ERCC6: variants seen among roughly 807,000 people sequenced by gnomAD.
ERCC6 encodes ERCC excision repair 6, chromatin remodeling factor.
A neutral mutation model predicts 158.7 loss-of-function variants in ERCC6; 116 were observed. That is an observed-to-expected ratio of 0.73 (90% confidence interval 0.63 to 0.85). The LOEUF is 0.85. Among genes scored for constraint, ERCC6 ranks in the 40% least tolerant of loss-of-function variants. The pLI is 0.00. For missense variants in ERCC6, 1,698 were observed against 1,799.4 expected (o/e 0.94, Z 1.02); for synonymous variants, 678 against 659.3 (o/e 1.03, Z -0.43).
At chr10:49,450,481 G>A (rs887382487), downstream of ERCC6, among the ~76,000 whole-genome samples, 2 of 152,152 alleles carry the variant, frequency 1.3e-5, no homozygotes, top group African/African-American at 4.8e-5. Flanking sequence ...TGGCTATTCT[G>A]GGTCCCTTGA....
chr10:49,539,316 G>A (rs1039306150), upstream of ERCC6: 1 of 152,334 alleles, frequency 6.6e-6, no homozygotes, highest in East Asian at 1.9e-4. Flanking sequence ...AGTTATGAAA[G>A]TTAAGACATA....
At chr10:49,512,350 G>A (rs558329249) in intron 5 of ERCC6, among the ~76,000 whole-genome samples, 1 of 152,260 alleles carries the variant, frequency 6.6e-6, no homozygotes, top group Non-Finnish European at 1.5e-5. Context: ...AAACCATACT[G>A]CAATCCTGAC....
chr10:49,516,141 T>C lies in ERCC6; in HGVS notation c.1397+7892A>G, dbSNP rs200925890. Reference sequence around the variant, plus strand: ...AAGGACAAGTGACGCACCGACACCATATTCCTCATGTTTAGTATTTGGGTT... The same window carrying C: ...AAGGACAAGTGACGCACCGACACCACATTCCTCATGTTTAGTATTTGGGTT... On this transcript the variant is annotated intron_variant, in intron 5 of 20. Transcript: ENST00000355832. The C allele has an allele frequency of 2.0e-4, 330 of 1,614,002 alleles. No homozygotes were observed. Among genetic ancestry groups the C allele is most frequent in the Non-Finnish European group, 2.5e-4 (292 of 1,180,042 alleles).
Position 49,524,378 on chromosome 10 carries a change from G to T in ERCC6, c.1052C>A (p.Ala351Glu), listed in dbSNP as rs754128408. The T allele has an allele frequency of 2.5e-6, 4 of 1,614,078 alleles. No homozygotes were observed. The highest frequency in any genetic ancestry group is 2.2e-5 in the South Asian group (2 of 91,076). ...CATGTCTGACTCCCAAGGTCTCCTTGCCTTTGGCAATCCCACTTTCCCCTG... is the reference window on the plus strand; with the variant it reads ...CATGTCTGACTCCCAAGGTCTCCTTTCCTTTGGCAATCCCACTTTCCCCTG... The part of the protein sequence containing the change: ...QFQGKVGLPK[A>E]RRPWESDMRP... Residue 351 changes from alanine (A) to glutamate (E), a missense_variant, in exon 5 of 21, where the codon GCA (alanine) becomes GAA (glutamate). Ala to Glu is a moderately radical substitution (Grantham distance 107). Transcript: ENST00000355832.
intron 18 of ERCC6, among the ~76,000 whole-genome samples, chr10:49,466,596 T>C (rs1018628039): frequency 6.6e-6 from 1 of 152,224 alleles, no homozygotes; most frequent in African/African-American, 2.4e-5. Context: ...AGCCGTCACC[T>C]GCAAAACTCA....
Position 49,456,448 on chromosome 10 carries a change from A to C in ERCC6, c.*2367T>G, listed in dbSNP as rs1850485205. 1 of 152,200 alleles carries C rather than the reference A, an allele frequency of 6.6e-6. No homozygotes were observed. Among genetic ancestry groups the C allele is most frequent in the Non-Finnish European group, 1.5e-5 (1 of 68,046 alleles). The allele number at this position is 152,200 out of a possible 1,614,324, so 9.4% of individuals were successfully genotyped here. ...GCTGAGCAGCCAGACGTCCAGGTAA[A>C]ACTCAAAAATTTTATTAGTAAAGGA... is the stretch of plus-strand genomic sequence containing the variant. On this transcript the variant is annotated 3_prime_UTR_variant, in exon 21 of 21. Transcript: ENST00000355832.
At chr10:49,460,598 C>T (rs963310615) in intron 19 of ERCC6, 147 bp from the exon 20 acceptor site, 4 of 689,610 alleles carry the variant, frequency 5.8e-6, no homozygotes, top group Non-Finnish European at 5.2e-6. Flanking sequence ...TGCTCTATCC[C>T]CCTCGATTCT....
chr10:49,511,817 C>T (rs1315204415), intron 5 of ERCC6, among the ~76,000 whole-genome samples: 1 of 152,108 alleles, frequency 6.6e-6, no homozygotes. Context: ...TTTAAGATAA[C>T]CACAGAGAAG....
intron 5 of ERCC6, chr10:49,517,251 G>A (rs765477676): frequency 4.2e-5 from 55 of 1,295,522 alleles, no homozygotes; most frequent in Admixed American, 1.5e-4. Flanking sequence ...TCTTTTTACC[G>A]CACAATAGCA....
chr10:49,524,595 C>T lies in ERCC6; in HGVS notation c.835G>A (p.Ala279Thr). ...TTCTTCCTTTCAAAAGACAGTTTTG[C>T]TTGATCTGCCAAATACTTTTCGAAG... ...SGFEKYLADQ[A>T]KLSFERKKQG... Residue 279 changes from alanine to threonine, a missense_variant, in exon 5 of 21, where the codon GCA becomes ACA. Physicochemically the swap from Ala to Thr is moderately conservative, Grantham distance 58 (BLOSUM62 0). Coordinates refer to ENST00000355832, the MANE Select transcript of ERCC6 (RefSeq NM_000124.4). The T allele has an allele frequency of 1.9e-6, 3 of 1,614,210 alleles. No individual in the cohort carries two copies. Among genetic ancestry groups the T allele is most frequent in the Non-Finnish European group, 2.5e-6 (3 of 1,180,044 alleles).
At position 49,470,788 on chromosome 10, in the gene ERCC6, C is replaced by G; in HGVS notation, c.3172G>C (p.Ala1058Pro). 6.2e-7 allele frequency: 1 copy of G among 1,614,160 alleles called. No individual in the cohort carries two copies. The highest frequency in any genetic ancestry group is 1.1e-5 in the South Asian group (1 of 91,084). ...GCATCATTTACAGATATGTTAGAAGCAGGGAACTTCTTGCGTTTTGGAACA... is the reference window on the plus strand; with the variant it reads ...GCATCATTTACAGATATGTTAGAAGGAGGGAACTTCTTGCGTTTTGGAACA... Reference protein sequence around the residue: ...HDVPKRKKFPASNISVNDATS... With the variant: ...HDVPKRKKFPPSNISVNDATS... Residue 1058 changes from alanine to proline, a missense_variant, in exon 18 of 21, where the codon GCT becomes CCT. Transcript: ENST00000355832.
chr10:49,493,123 G>A lies in ERCC6; in HGVS notation c.1815C>T (p.His605=). Residue 605 remains histidine, a synonymous_variant, in exon 8 of 21, where the codon CAC becomes CAT. Coordinates refer to ENST00000355832, the MANE Select transcript of ERCC6 (RefSeq NM_000124.4). The part of the protein sequence containing the change: ...AILHETGSYT[H]KKEKLIRDVA... ...TACTGAAATATTGTGTTACCTTTTT[G>A]TGGGTATAGGAACCGGTTTCATGTA... 6.2e-7 allele frequency: 1 copy of A among 1,614,026 alleles called. No homozygotes were observed. The highest frequency in any genetic ancestry group is 2.2e-5 in the East Asian group (1 of 44,860).
chr10:49,498,022 G>A (rs996740566), intron 7 of ERCC6, among the ~76,000 whole-genome samples: 2 of 152,140 alleles, frequency 1.3e-5, no homozygotes, highest in African/African-American at 2.4e-5. Flanking sequence ...TTATAAGATT[G>A]AGGGGCCTAT....
At chr10:49,516,852 T>C (rs1269733159) in intron 5 of ERCC6, 5 of 1,614,040 alleles carry the variant, frequency 3.1e-6, no homozygotes, top group Non-Finnish European at 4.2e-6. Flanking sequence ...TGGAACTTCA[T>C]CAGGAGAGTC....
intron 10 of ERCC6, among the ~76,000 whole-genome samples, chr10:49,478,862 T>C (rs545750406): frequency 2.0e-5 from 3 of 152,336 alleles, no homozygotes; most frequent in African/African-American, 7.2e-5. Flanking sequence ...TCTCTGTTTA[T>C]GATCTTGTAT....
chr10:49,530,618 T>G, intron 3 of ERCC6, 102 bp downstream of exon 3: 1 of 1,533,496 alleles, frequency 6.5e-7, no homozygotes, highest in Non-Finnish European at 8.8e-7. Flanking sequence ...TATAAGTATT[T>G]GCTTCACATC....
At chr10:49,525,643 T>C (rs764730706) in intron 4 of ERCC6, among the ~76,000 whole-genome samples, 4 of 152,212 alleles carry the variant, frequency 2.6e-5, no homozygotes, top group Non-Finnish European at 5.9e-5. Context: ...AGGCCAATGA[T>C]ACCCAGTTTT....
At chr10:49,538,155 G>C (rs1837646452) in intron 1 of ERCC6, among the ~76,000 whole-genome samples, 1 of 152,172 alleles carries the variant, frequency 6.6e-6, no homozygotes, top group South Asian at 2.1e-4. Context: ...AATCATCTGG[G>C]ACACTAGTAT....
chr10:49,453,891 T>G (rs552246394), downstream of ERCC6, among the ~76,000 whole-genome samples: 1 of 152,328 alleles, frequency 6.6e-6, no homozygotes, highest in East Asian at 1.9e-4. Flanking sequence ...CTCACTACTT[T>G]CAAGGTTTTC....
Sources: allele counts gnomAD v4.1 joint callset (sites outside exome capture counted in the v4.1 genomes callset), GRCh38; gene constraint gnomAD v4.1.1; transcripts MANE v1.5; gene names NCBI Gene and HGNC (gene_info 2026-07-23, HGNC 2026-07-21).